Variants in RAB38 observed in about 807,000 individuals in gnomAD.
The protein encoded by RAB38 is RAB38, member RAS oncogene family, also known as ras-related protein Rab-38.
In RAB38, 15 loss-of-function variants were observed where a neutral mutation model predicts 18.4. The ratio of observed to expected loss-of-function variants is 0.82; its 90% confidence interval spans 0.55 to 1.26. RAB38 has a LOEUF of 1.26. RAB38 is among the 50% of genes most tolerant of loss of function. The probability of loss-of-function intolerance (pLI) is 0.00; values close to 1 mark genes in which losing one functional copy is unlikely to be tolerated. For synonymous variants in RAB38, 101 were observed against 104.4 expected (o/e 0.97, Z 0.20); for missense variants, 294 against 267.4 (o/e 1.10, Z -0.69).
chr11:88,116,422 G>A (rs1347987718), intron 2 of RAB38, among the ~76,000 whole-genome samples: 2 of 152,180 alleles, frequency 1.3e-5, no homozygotes, highest in Non-Finnish European at 2.9e-5. Context: ...TGGAGAAGGA[G>A]GCAACAAAAT....
chr11:88,026,462 C>G, the RAB38 span, among the ~76,000 whole-genome samples: 1 of 145,566 alleles, frequency 6.9e-6, no homozygotes, highest in Non-Finnish European at 1.5e-5. Flanking sequence ...ACTCAGGAGG[C>G]TGAGGCAGGA....
chr11:88,144,926 T>C (rs1942962927), intron 2 of RAB38, among the ~76,000 whole-genome samples: 1 of 152,128 alleles, frequency 6.6e-6, no homozygotes, highest in Admixed American at 6.5e-5. Flanking sequence ...TAGCCACACC[T>C]GATCCACTCC....
the RAB38 span, among the ~76,000 whole-genome samples, chr11:88,105,018 T>C: frequency 6.6e-6 from 1 of 152,106 alleles, no homozygotes; most frequent in African/African-American, 2.4e-5. Flanking sequence ...TATTCTCTCT[T>C]CTCTAGAAAT....
the RAB38 span, among the ~76,000 whole-genome samples, chr11:87,972,991 G>A: frequency 6.6e-6 from 1 of 151,946 alleles, no homozygotes; most frequent in African/African-American, 2.4e-5. Flanking sequence ...TCTTCCTTCT[G>A]CTCTGCCCAT....
At chr11:87,873,504 T>G in the RAB38 span, among the ~76,000 whole-genome samples, 1 of 151,540 alleles carries the variant, frequency 6.6e-6, no homozygotes, top group Non-Finnish European at 1.5e-5. Context: ...GCCACTGGTG[T>G]TGTATCTAAA....
chr11:87,816,060 A>C, the RAB38 span: 2 of 152,338 alleles, frequency 1.3e-5, no homozygotes, highest in Non-Finnish European at 2.9e-5. Flanking sequence ...AGTGAGCCAA[A>C]GCTTCATCAT....
chr11:87,976,128 A>ATG, the RAB38 span, among the ~76,000 whole-genome samples: 277 of 149,128 alleles, frequency 1.9e-3, 1 homozygote, highest in African/African-American at 5.5e-3. Context: ...AAATATATAT[A>ATG]TGTGTGTGTG....
the RAB38 span, among the ~76,000 whole-genome samples, chr11:88,075,420 A>G: frequency 6.6e-6 from 1 of 152,222 alleles, no homozygotes. Context: ...AAAAACATGG[A>G]AATTAAACAA....
chr11:87,905,770 A>G, the RAB38 span, among the ~76,000 whole-genome samples: 3 of 151,944 alleles, frequency 2.0e-5, no homozygotes, highest in African/African-American at 7.2e-5. Context: ...ATACTTTAAT[A>G]ATCAGCCAAA....
chr11:88,172,500 C>G (rs554110190), intron 1 of RAB38, among the ~76,000 whole-genome samples: 11 of 152,120 alleles, frequency 7.2e-5, no homozygotes, highest in Non-Finnish European at 1.5e-4. Context: ...TATATGATAT[C>G]CTATCAGAAC....
At chr11:87,832,785 TC>T in the RAB38 span, among the ~76,000 whole-genome samples, 37,804 of 151,804 alleles carry the variant, frequency 0.25, 6,140 homozygotes, top group African/African-American at 0.46. Context: ...CTCAGGTGGA[TC>T]ACTCAGGCTT....
chr11:87,969,784 G>A, the RAB38 span, among the ~76,000 whole-genome samples: 18 of 152,182 alleles, frequency 1.2e-4, 1 homozygote, highest in Middle Eastern at 0.014. Context: ...GCATGGCCTA[G>A]CAAAAAGGTA....
At chr11:87,892,426 T>C in the RAB38 span, among the ~76,000 whole-genome samples, 1 of 151,864 alleles carries the variant, frequency 6.6e-6, no homozygotes, top group African/African-American at 2.4e-5. Flanking sequence ...GCTGTATAAC[T>C]GGATTTCCTT....
the RAB38 span, among the ~76,000 whole-genome samples, chr11:88,054,250 G>T: frequency 6.6e-6 from 1 of 152,106 alleles, no homozygotes. Flanking sequence ...TCTTCATCTT[G>T]TTTTTTTGAG....
chr11:88,163,337 C>A (rs989113790), intron 1 of RAB38, among the ~76,000 whole-genome samples: 2 of 152,064 alleles, frequency 1.3e-5, no homozygotes, highest in African/African-American at 4.8e-5. Context: ...CAAGAGGGAA[C>A]CCCAGCAGGA....
the RAB38 span, among the ~76,000 whole-genome samples, chr11:87,954,710 G>A: frequency 1.3e-5 from 2 of 152,080 alleles, no homozygotes; most frequent in Non-Finnish European, 2.9e-5. Flanking sequence ...GAGCCCGGGA[G>A]CAGGCTTCAA....
the RAB38 span, among the ~76,000 whole-genome samples, chr11:88,047,811 T>C: frequency 6.6e-6 from 1 of 152,154 alleles, no homozygotes. Context: ...TCAGTTTTTT[T>C]CCTTCTCATC....
At chr11:87,964,554 G>A in the RAB38 span, among the ~76,000 whole-genome samples, 12,863 of 151,944 alleles carry the variant, frequency 0.085, 635 homozygotes, top group South Asian at 0.16. Context: ...AGTGCAAAAC[G>A]ACATTGTAAA....
chr11:88,099,557 T>C, the RAB38 span, among the ~76,000 whole-genome samples: 1 of 151,808 alleles, frequency 6.6e-6, no homozygotes. Context: ...CAATCCGAAA[T>C]ATAAGCATAG....
Sources: allele counts gnomAD v4.1 joint callset (sites outside exome capture counted in the v4.1 genomes callset), GRCh38; gene constraint gnomAD v4.1.1; transcripts MANE v1.5; gene names NCBI Gene and HGNC (gene_info 2026-07-23, HGNC 2026-07-21).